Variants in RIBC2 observed in about 807,000 individuals in gnomAD.
The protein encoded by RIBC2 is RIB43A-like with coiled-coils protein 2.
A neutral mutation model predicts 44.3 loss-of-function variants in RIBC2; 40 were observed. The ratio of observed to expected loss-of-function variants is 0.90; its 90% CI spans 0.70 to 1.18. The LOEUF is 1.18. Among genes scored for constraint, RIBC2 ranks in the 50% most tolerant of loss-of-function variants. The pLI is 0.00. For missense variants in RIBC2, 459 were observed against 485.5 expected (o/e 0.95, Z 0.51); for synonymous variants, 171 against 175.0 (o/e 0.98, Z 0.18).
rs2142662 is a variant in RIBC2, at chr22:45,426,055, G to A, written c.783G>A (p.Pro261=). Residue 261 remains proline, a synonymous_variant, in exon 5 of 7, where the codon CCG becomes CCA. Transcript: ENST00000614167. ...LLRGDLLSEN[P]QQAASSFGPH... Reference sequence around the variant, plus strand: ...GTGGGGACCTGCTCTCCGAGAACCCGCAGCAGGCAGCCAGCTCCTTCGGGC... The same window carrying A: ...GTGGGGACCTGCTCTCCGAGAACCCACAGCAGGCAGCCAGCTCCTTCGGGC... The A allele has an allele frequency of 0.16, 254,153 of 1,613,606 alleles. 20,872 individuals carry two copies. The highest frequency in any genetic ancestry group is 0.23 in the Middle Eastern group (1,369 of 6,060).
intron 3 of RIBC2, among the ~76,000 whole-genome samples, chr22:45,419,784 T>G (rs1287593318): frequency 2.0e-5 from 3 of 150,490 alleles, no homozygotes; most frequent in African/African-American, 7.3e-5. Context: ...CCCAGCACTT[T>G]GGGAGGCTGA....
intron 2 of RIBC2, among the ~76,000 whole-genome samples, chr22:45,416,048 T>C (rs552056848): frequency 1.8e-4 from 28 of 152,354 alleles, no homozygotes; most frequent in South Asian, 6.2e-4. Context: ...TTCATAACAA[T>C]ATAAAATTGT....
rs372265394 is a variant in RIBC2, at chr22:45,422,421, C to T, written c.675+13C>T. On this transcript the variant is annotated intron_variant, in intron 4 of 6. Coordinates refer to ENST00000614167, the MANE Select transcript of RIBC2 (RefSeq NM_015653.5). ...CAACAAGAGCCAGGTATAGGTACTC[C>T]GCGACCTCGGGCTCGACGACTGGAG... 1.3e-4 allele frequency: 208 copies of T among 1,587,496 alleles called. No individual in the cohort carries two copies. Among genetic ancestry groups the T allele is most frequent in the Non-Finnish European group, 1.7e-4 (192 of 1,155,694 alleles).
chr22:45,432,394 G>A lies in RIBC2; in HGVS notation c.*32G>A, dbSNP rs779977321. On this transcript the variant is annotated 3_prime_UTR_variant, in exon 7 of 7. Coordinates refer to ENST00000614167, the MANE Select transcript of RIBC2 (RefSeq NM_015653.5). ...ACACACCCTTGTTCCCGTCATTCAC[G>A]TATAAAGAGTGGCTACCTTAAAGAG... 1.6e-5 allele frequency: 22 copies of A among 1,385,400 alleles called. No homozygotes were observed. Among genetic ancestry groups the A allele is most frequent in the African/African-American group, 5.8e-5 (4 of 69,074 alleles). The allele number at this position is 1,385,400 out of a possible 1,614,324, so 85.8% of individuals were successfully genotyped here.
At chr22:45,414,624 G>C (rs1043967088) in intron 2 of RIBC2, among the ~76,000 whole-genome samples, 7 of 151,984 alleles carry the variant, frequency 4.6e-5, no homozygotes, top group African/African-American at 1.7e-4. Context: ...ACAGGCATGA[G>C]CCACGGTACC....
chr22:45,429,523 G>A (rs1002763399), intron 5 of RIBC2, among the ~76,000 whole-genome samples: 1 of 152,126 alleles, frequency 6.6e-6, no homozygotes, highest in Non-Finnish European at 1.5e-5. Flanking sequence ...CAGTGGCGGT[G>A]GCGTGGACCA....
chr22:45,418,857 C>T (rs1445937249), intron 3 of RIBC2, among the ~76,000 whole-genome samples: 1 of 152,096 alleles, frequency 6.6e-6, no homozygotes, highest in African/African-American at 2.4e-5. Flanking sequence ...AGATTTATGC[C>T]CTCCCTGCTC....
intron 5 of RIBC2, among the ~76,000 whole-genome samples, chr22:45,426,796 G>T (rs2087538657): frequency 1.3e-5 from 2 of 152,196 alleles, no homozygotes; most frequent in Admixed American, 6.5e-5. Context: ...GGCCTTTGCA[G>T]TGTTCACAGC....
intron 5 of RIBC2, among the ~76,000 whole-genome samples, chr22:45,429,926 G>C (rs757663006): frequency 6.6e-6 from 1 of 152,194 alleles, no homozygotes; most frequent in East Asian, 1.9e-4. Context: ...TATGCTTGGA[G>C]GTAACTGGGA....
At chr22:45,430,288 A>G (rs1026042425) in intron 5 of RIBC2, among the ~76,000 whole-genome samples, 1 of 152,186 alleles carries the variant, frequency 6.6e-6, no homozygotes, top group African/African-American at 2.4e-5. Flanking sequence ...CTGACAACAC[A>G]CGGGGAAGTA....
Position 45,422,588 on chromosome 22 carries a change from C to CTGTGCCT in RIBC2, c.675+182_675+188dup, listed in dbSNP as rs2087497302. The CTGTGCCT allele has an allele frequency of 6.4e-6, 4 of 621,364 alleles. No homozygotes were observed. The African/African-American group carries it at 7.3e-5, about 11-fold the overall frequency. 38.5% of individuals were successfully genotyped at this position (621,364 alleles called of 1,614,324 possible). A position where few individuals can be genotyped will look rare whatever the true frequency, so the allele number is the denominator to read the frequency against. On this transcript the variant is annotated intron_variant, in intron 4 of 6. Transcript: ENST00000614167. ...TGACAGAGATGGATGAGACCCAGTCCTGTGCCTTAGCTCTGAATCTTGGAG... is the reference window on the plus strand; with the variant it reads ...TGACAGAGATGGATGAGACCCAGTCCTGTGCCTTGTGCCTTAGCTCTGAATCTTGGAG...
chr22:45,431,422 G>A (rs951483778), intron 6 of RIBC2, among the ~76,000 whole-genome samples: 2 of 152,260 alleles, frequency 1.3e-5, no homozygotes, highest in Middle Eastern at 3.4e-3. Flanking sequence ...GGGCTCCTGG[G>A]CTGCCCCAGA....
chr22:45,429,280 G>A (rs1035902615), intron 5 of RIBC2, among the ~76,000 whole-genome samples: 1 of 152,194 alleles, frequency 6.6e-6, no homozygotes, highest in Admixed American at 6.5e-5. Context: ...TGTGCCCAGT[G>A]GGTGAGAAGG....
intron 6 of RIBC2, among the ~76,000 whole-genome samples, chr22:45,431,369 G>A (rs1218391865): frequency 1.3e-5 from 2 of 152,290 alleles, no homozygotes; most frequent in East Asian, 1.9e-4. Context: ...CCAGGAGGAG[G>A]ATGGCACTGC....
chr22:45,432,023 G>A (rs1447383314), intron 6 of RIBC2, among the ~76,000 whole-genome samples: 1 of 152,100 alleles, frequency 6.6e-6, no homozygotes, highest in Non-Finnish European at 1.5e-5. Context: ...GAACACCCAC[G>A]GAGATTTAAT....
chr22:45,425,699 G>A (rs575909672), intron 4 of RIBC2, among the ~76,000 whole-genome samples: 11 of 152,240 alleles, frequency 7.2e-5, no homozygotes, highest in Non-Finnish European at 1.3e-4. Context: ...TGCAAGACCC[G>A]GAGCTCTTAT....
intron 3 of RIBC2, among the ~76,000 whole-genome samples, chr22:45,421,219 C>G (rs9306476): frequency 0.14 from 21,875 of 151,380 alleles, 1,655 homozygotes; most frequent in Middle Eastern, 0.26. Context: ...TGCTGGAACC[C>G]AGGAGGCAGA....
rs1474813416 is a variant in RIBC2 at position 45,413,929 on chromosome 22, C to G, written c.43C>G (p.Arg15Gly). The G allele has an allele frequency of 3.2e-6, 5 of 1,551,672 alleles. No individual in the cohort carries two copies. The highest frequency in any genetic ancestry group is 3.9e-5 in the Admixed American group (2 of 51,002). ...GGCGGTGGCGCTGCCCAGGGACTTGCGGCAGGACGCCAACCTGGCAAAGAG... is the reference window on the plus strand; with the variant it reads ...GGCGGTGGCGCTGCCCAGGGACTTGGGGCAGGACGCCAACCTGGCAAAGAG... ...TMAVALPRDLRQDANLAKRRH... is the reference protein window; with the variant it reads ...TMAVALPRDLGQDANLAKRRH... Residue 15 changes from arginine (R) to glycine (G), a missense_variant, in exon 1 of 7, where the codon CGG (arginine) becomes GGG (glycine). Arg to Gly is a moderately radical substitution (Grantham distance 125). Transcript: ENST00000614167.
intron 5 of RIBC2, among the ~76,000 whole-genome samples, chr22:45,429,151 G>T (rs150750673): frequency 6.6e-6 from 1 of 152,286 alleles, no homozygotes; most frequent in African/African-American, 2.4e-5. Context: ...AAGGGTGGAG[G>T]GTCCCAAAGG....
Sources: gnomAD v4.1 joint callset for allele counts (sites outside exome capture counted in the v4.1 genomes callset) on GRCh38, gnomAD v4.1.1 for gene constraint, MANE v1.5 for transcripts, NCBI Gene and HGNC (gene_info 2026-07-23, HGNC 2026-07-21) for gene names.